The following TSPAN18 variants were observed in gnomAD, a reference collection of about 807,000 sequenced individuals.
TSPAN18 encodes tetraspanin-18.
In TSPAN18, 14 loss-of-function variants were observed where a neutral mutation model predicts 27.3. The observed-to-expected ratio is 0.51, with a 90% CI of 0.34 to 0.80. TSPAN18 has a LOEUF of 0.80. TSPAN18 is among the 30% of genes least tolerant of loss of function. The pLI is 0.01. For missense variants in TSPAN18, 268 were observed against 323.9 expected (o/e 0.83, Z 1.32); for synonymous variants, 143 against 136.5 (o/e 1.05, Z -0.33).
Position 44,737,147 on chromosome 11 carries a change from G to A in TSPAN18, c.-240+9860G>A, listed in dbSNP as rs1434099436. ...CTCCTTGCTATGTACCAAGGCCTCT[G>A]CCCCTAAGCCCCTCTTATGTGGGGG... On this transcript the variant is annotated intron_variant, in intron 1 of 9. Transcript: ENST00000520358. Among the ~76,000 whole-genome samples, 3 of 152,336 alleles carry A rather than the reference G, an allele frequency of 2.0e-5. No homozygotes were observed. In the East Asian group the frequency reaches 5.8e-4, roughly 29 times the overall value.
chr11:44,811,175 C>CACACACACACACAG (rs1554986590), intron 2 of TSPAN18, among the ~76,000 whole-genome samples: 1 of 149,426 alleles, frequency 6.7e-6, no homozygotes, highest in African/African-American at 2.5e-5. Flanking sequence ...CACACACACA[C>CACACACACACACAG]CCCTGCCTGT....
chr11:44,891,761 C>T (rs935941645), intron 3 of TSPAN18, among the ~76,000 whole-genome samples: 1 of 152,176 alleles, frequency 6.6e-6, no homozygotes, highest in African/African-American at 2.4e-5. Context: ...ACCAGAGGAA[C>T]TTCAGAGGCT....
intron 3 of TSPAN18, among the ~76,000 whole-genome samples, chr11:44,898,572 G>A (rs2135303908): frequency 6.6e-6 from 1 of 152,344 alleles, no homozygotes; most frequent in Admixed American, 6.5e-5. Context: ...CAGTTCTGGA[G>A]GCTGGGAAGC....
intron 3 of TSPAN18, among the ~76,000 whole-genome samples, chr11:44,882,587 G>C (rs9787730): frequency 0.22 from 28,440 of 130,670 alleles, 3,968 homozygotes; most frequent in East Asian, 0.49. Context: ...CAGAGAGAGA[G>C]ACACACACAC....
intron 1 of TSPAN18, among the ~76,000 whole-genome samples, chr11:44,739,547 C>T (rs1455431993): frequency 6.6e-6 from 1 of 152,150 alleles, no homozygotes; most frequent in African/African-American, 2.4e-5. Flanking sequence ...TCACTTGAAC[C>T]CGGGAGGCAG....
chr11:44,904,434 G>T (rs978067451), intron 3 of TSPAN18, among the ~76,000 whole-genome samples: 3 of 152,202 alleles, frequency 2.0e-5, no homozygotes, highest in African/African-American at 7.2e-5. Flanking sequence ...TGGGCTCCAG[G>T]CACCTTAGCC....
At chr11:44,895,993 C>T (rs1266716718) in intron 3 of TSPAN18, among the ~76,000 whole-genome samples, 1 of 152,188 alleles carries the variant, frequency 6.6e-6, no homozygotes, top group Non-Finnish European at 1.5e-5. Flanking sequence ...GCCTCAATTT[C>T]ATTCTGTAAA....
chr11:44,876,705 G>T (rs1858342688), intron 3 of TSPAN18, among the ~76,000 whole-genome samples: 1 of 152,134 alleles, frequency 6.6e-6, no homozygotes, highest in African/African-American at 2.4e-5. Context: ...CATGTTCCTT[G>T]TTGTAAAAAA....
chr11:44,834,330 G>A (rs149964313), intron 2 of TSPAN18, among the ~76,000 whole-genome samples: 325 of 152,242 alleles, frequency 2.1e-3, no homozygotes, highest in African/African-American at 7.6e-3. Context: ...CGCTGCCTAA[G>A]CTGGGGCTTT....
intron 1 of TSPAN18, among the ~76,000 whole-genome samples, chr11:44,748,209 G>C (rs867184293): frequency 1.3e-5 from 2 of 152,160 alleles, no homozygotes; most frequent in African/African-American, 4.8e-5. Context: ...GGAGTTCGAA[G>C]CCAGCCTGGC....
intron 3 of TSPAN18, chr11:44,897,852 C>T (rs1212195596): frequency 7.0e-6 from 9 of 1,289,412 alleles, no homozygotes; most frequent in Non-Finnish European, 8.1e-6. Flanking sequence ...AATAGCCTCT[C>T]CCTTCTCAGT....
At chr11:44,870,793 C>T (rs1490772647) in intron 3 of TSPAN18, among the ~76,000 whole-genome samples, 1 of 152,196 alleles carries the variant, frequency 6.6e-6, no homozygotes, top group African/African-American at 2.4e-5. Context: ...ACCTGCACCA[C>T]ATTTCAGCTG....
chr11:44,760,814 C>G (rs1433536866), intron 1 of TSPAN18, among the ~76,000 whole-genome samples: 1 of 152,148 alleles, frequency 6.6e-6, no homozygotes, highest in Admixed American at 6.5e-5. Context: ...TTTTTAACAT[C>G]TTAATGTCTC....
intron 5 of TSPAN18, among the ~76,000 whole-genome samples, chr11:44,916,025 G>C (rs1307392083): frequency 6.6e-6 from 1 of 152,186 alleles, no homozygotes; most frequent in Non-Finnish European, 1.5e-5. Flanking sequence ...CAGGATTGAG[G>C]AGTGACACAT....
intron 3 of TSPAN18, among the ~76,000 whole-genome samples, chr11:44,900,076 A>C (rs17181088): frequency 0.042 from 6,325 of 152,278 alleles, 230 homozygotes; most frequent in East Asian, 0.14. Context: ...CTGTGCCGTG[A>C]AGTTAACTTC....
At chr11:44,808,822 A>G (rs1324342778) in intron 2 of TSPAN18, among the ~76,000 whole-genome samples, 4 of 152,152 alleles carry the variant, frequency 2.6e-5, no homozygotes, top group African/African-American at 7.2e-5. Context: ...CCATATTCGT[A>G]TAAGATTTGC....
intron 2 of TSPAN18, among the ~76,000 whole-genome samples, chr11:44,775,216 A>G (rs1003696343): frequency 5.3e-5 from 8 of 152,230 alleles, no homozygotes; most frequent in African/African-American, 1.9e-4. Context: ...TGCCCCAAGC[A>G]ATATTTGTTC....
At chr11:44,854,802 G>A (rs1347372366) in intron 2 of TSPAN18, among the ~76,000 whole-genome samples, 6 of 152,094 alleles carry the variant, frequency 3.9e-5, no homozygotes, top group African/African-American at 1.4e-4. Flanking sequence ...CTGCTTCCTG[G>A]TCTATAAAAC....
intron 2 of TSPAN18, among the ~76,000 whole-genome samples, chr11:44,767,815 T>C (rs895059886): frequency 4.6e-5 from 7 of 152,238 alleles, no homozygotes; most frequent in African/African-American, 1.7e-4. Flanking sequence ...CATTCTAGTG[T>C]ATGGGGACAT....
Sources: gnomAD v4.1 joint callset for allele counts (sites outside exome capture counted in the v4.1 genomes callset) on GRCh38, gnomAD v4.1.1 for gene constraint, MANE v1.5 for transcripts, NCBI Gene and HGNC (gene_info 2026-07-23, HGNC 2026-07-21) for gene names.